Variants in ANO2 observed in about 807,000 individuals in gnomAD.
The protein encoded by ANO2 is anoctamin-2.
ANO2 carries 101 observed loss-of-function variants against 124.2 expected under a neutral mutation model. The observed-to-expected ratio is 0.81, with a 90% CI of 0.69 to 0.96. The LOEUF (loss-of-function observed/expected upper bound fraction) is 0.96. ANO2 is among the 40% of genes least tolerant of loss of function. The pLI is 0.00. For missense variants in ANO2, 1,293 were observed against 1,274.5 expected (o/e 1.01, Z -0.22); for synonymous variants, 486 against 482.5 (o/e 1.01, Z -0.09).
chr12:5,888,638 C>T (rs967549059), intron 3 of ANO2, among the ~76,000 whole-genome samples: 3 of 152,182 alleles, frequency 2.0e-5, no homozygotes, highest in African/African-American at 7.2e-5. Context: ...AAGTTCTCCA[C>T]GTCCCCACTA....
rs939914785 is a variant in ANO2 at position 5,904,637 on chromosome 12, C to T, written c.534+16403G>A. On this transcript the variant is annotated intron_variant, in intron 3 of 24. Transcript: ENST00000682330. The surrounding 1 kb of genome is among the most constrained non-coding windows in gnomAD (Gnocchi z 4.1). ...TGACCCTGGTACCACACGGCCCCGA[C>T]ATGCCACAGCACCCGATGCTCCTTC... 1.3e-5 allele frequency among the ~76,000 whole-genome samples: 2 copies of T among 152,218 alleles called. No individual in the cohort carries two copies. The highest frequency in any genetic ancestry group is 2.4e-5 in the African/African-American group (1 of 41,476).
intron 4 of ANO2, among the ~76,000 whole-genome samples, chr12:5,848,848 C>T (rs1424853354): frequency 1.3e-5 from 2 of 152,214 alleles, no homozygotes; most frequent in East Asian, 3.8e-4. Flanking sequence ...AGAAACAGCC[C>T]TAGTCTTGTA....
chr12:5,704,287 G>T (rs1485575612), intron 14 of ANO2, among the ~76,000 whole-genome samples: 1 of 152,188 alleles, frequency 6.6e-6, no homozygotes, highest in Non-Finnish European at 1.5e-5. Context: ...ATTAGAATCT[G>T]CATCCACCCC....
At chr12:5,801,220 G>T (rs1953028250) in intron 9 of ANO2, among the ~76,000 whole-genome samples, 1 of 152,106 alleles carries the variant, frequency 6.6e-6, no homozygotes, top group African/African-American at 2.4e-5. Context: ...GGCCATCTTG[G>T]AATATTTCTG....
intron 10 of ANO2, among the ~76,000 whole-genome samples, chr12:5,791,267 C>T (rs1348564387): frequency 6.6e-6 from 1 of 151,694 alleles, no homozygotes; most frequent in African/African-American, 2.4e-5. Flanking sequence ...GAAGTGACAG[C>T]TGACAATCTG....
chr12:5,843,021 C>G (rs1287511366), intron 4 of ANO2, among the ~76,000 whole-genome samples: 2 of 152,114 alleles, frequency 1.3e-5, no homozygotes, highest in African/African-American at 4.8e-5. Flanking sequence ...TAAATATAAA[C>G]CCTACCCTCC....
intron 10 of ANO2, among the ~76,000 whole-genome samples, chr12:5,789,957 G>A (rs930619443): frequency 6.6e-6 from 1 of 152,222 alleles, no homozygotes. Context: ...GGACTGAGGT[G>A]CTCAGGGGTT....
intron 10 of ANO2, among the ~76,000 whole-genome samples, chr12:5,796,565 G>A (rs1170186959): frequency 3.3e-5 from 5 of 151,808 alleles, no homozygotes; most frequent in African/African-American, 1.2e-4. Context: ...TCTCATACAG[G>A]CTCACACACA....
upstream of ANO2, chr12:5,945,387 GC>G: frequency 1.6e-6 from 1 of 633,616 alleles, no homozygotes; most frequent in Non-Finnish European, 2.0e-6. Flanking sequence ...CGCAGCCACA[GC>G]CCAGCTCTCC....
At chr12:5,795,044 G>C (rs61909774) in intron 10 of ANO2, among the ~76,000 whole-genome samples, 3,119 of 152,280 alleles carry the variant, frequency 0.02, 48 homozygotes, top group Middle Eastern at 0.071. Context: ...GTTCAGGAGG[G>C]TGGAAGCAGA....
intron 7 of ANO2, among the ~76,000 whole-genome samples, chr12:5,822,326 C>A (rs1440693926): frequency 1.3e-5 from 2 of 152,216 alleles, no homozygotes; most frequent in Non-Finnish European, 1.5e-5. Flanking sequence ...TGGTCAAAAA[C>A]TGTGAAGATA....
intron 10 of ANO2, among the ~76,000 whole-genome samples, chr12:5,755,909 A>T (rs1243003740): frequency 6.6e-6 from 1 of 152,094 alleles, no homozygotes; most frequent in Non-Finnish European, 1.5e-5. Context: ...CTAGATTTGG[A>T]AAGTTTTTAG....
At chr12:5,590,767 A>C (rs948576473) in intron 20 of ANO2, among the ~76,000 whole-genome samples, 7 of 152,130 alleles carry the variant, frequency 4.6e-5, no homozygotes, top group African/African-American at 9.7e-5. Context: ...TAGGCAAACT[A>C]TTTTCTAGAA....
intron 3 of ANO2, among the ~76,000 whole-genome samples, chr12:5,887,047 C>T (rs142332896): frequency 1.3e-5 from 2 of 152,184 alleles, no homozygotes; most frequent in African/African-American, 4.8e-5. Flanking sequence ...GTACTTAATG[C>T]CACAAAACTA....
At chr12:5,695,159 T>A (rs561463939) in intron 14 of ANO2, among the ~76,000 whole-genome samples, 1 of 152,142 alleles carries the variant, frequency 6.6e-6, no homozygotes, top group East Asian at 1.9e-4. Flanking sequence ...TGGTCCTCAT[T>A]AAATTTTTGT....
At chr12:5,609,425 A>G (rs1045467565) in intron 19 of ANO2, among the ~76,000 whole-genome samples, 1 of 152,182 alleles carries the variant, frequency 6.6e-6, no homozygotes, top group Non-Finnish European at 1.5e-5. Context: ...CTGCATGCTT[A>G]GATGACCCAG....
chr12:5,674,133 G>T (rs554591973), intron 14 of ANO2, among the ~76,000 whole-genome samples: 2 of 152,280 alleles, frequency 1.3e-5, no homozygotes, highest in South Asian at 4.2e-4. Context: ...AAAATATTTA[G>T]CTAAGATTCC....
chr12:5,815,726 A>T lies in ANO2; in HGVS notation c.893-8358T>A, dbSNP rs78597888. On this transcript the variant is annotated intron_variant, in intron 7 of 24. Coordinates refer to ENST00000682330, the MANE Select transcript of ANO2 (RefSeq NM_001364791.2). ...TTCTATTTTCTTCCTCCTAGTTTTG[A>T]CATTCTATTTTAATTTATTTTCTCT... Among the ~76,000 whole-genome samples, 1,029 of 152,148 alleles carry T rather than the reference A, an allele frequency of 6.8e-3. 8 individuals are homozygous for T. Among genetic ancestry groups the T allele is most frequent in the South Asian group, 0.02 (95 of 4,810 alleles).
chr12:5,793,010 A>G (rs1952742643), intron 10 of ANO2, among the ~76,000 whole-genome samples: 1 of 152,238 alleles, frequency 6.6e-6, no homozygotes, highest in South Asian at 2.1e-4. Flanking sequence ...TGTGGGGAAC[A>G]CACGTTGATA....
Sources: allele counts gnomAD v4.1 joint callset (sites outside exome capture counted in the v4.1 genomes callset), GRCh38; gene constraint gnomAD v4.1.1; non-coding constraint Gnocchi (gnomAD v3.1); transcripts MANE v1.5; gene names NCBI Gene and HGNC (gene_info 2026-07-23, HGNC 2026-07-21).